Variants in DYM observed in about 807,000 individuals in gnomAD.
DYM encodes the protein dymeclin, also known as dyggve-Melchior-Clausen syndrome protein.
In DYM, 78 loss-of-function variants were observed where a neutral mutation model predicts 93.1. The observed-to-expected ratio is 0.84, with a 90% confidence interval of 0.70 to 1.01. DYM has a LOEUF of 1.01. Among genes scored for constraint, DYM ranks in the 50% least tolerant of loss-of-function variants. The pLI is 0.00. For synonymous variants in DYM, 321 were observed against 319.7 expected (o/e 1.00, Z -0.04); for missense variants, 789 against 845.0 (o/e 0.93, Z 0.82).
chr18:49,070,814 G>T lies in DYM; in HGVS notation c.2025+26588C>A, dbSNP rs115949753. 4.9e-3 allele frequency among the ~76,000 whole-genome samples: 745 copies of T among 152,312 alleles called. 7 individuals are homozygous for T. Among genetic ancestry groups the T allele is most frequent in the African/African-American group, 0.017 (714 of 41,552 alleles). ...CTTTGTAGGAAAAGGAATGTTAGCC[G>T]CTGGATGTTGGAGATATTTATTCAA... On this transcript the variant is annotated intron_variant, in intron 17 of 17. Coordinates refer to ENST00000675505, the MANE Select transcript of DYM (RefSeq NM_001353214.3).
chr18:49,113,315 G>A (rs1387879624), intron 16 of DYM, among the ~76,000 whole-genome samples: 1 of 152,162 alleles, frequency 6.6e-6, no homozygotes, highest in Non-Finnish European at 1.5e-5. Context: ...TAGGTAACCA[G>A]ACAATTTATT....
chr18:49,037,548 A>C lies in DYM; in HGVS notation c.*6507T>G, dbSNP rs2070750363. Among the ~76,000 whole-genome samples, 1 of 152,114 alleles carries C rather than the reference A, an allele frequency of 6.6e-6. No homozygotes were observed. Among genetic ancestry groups the C allele is most frequent in the South Asian group, 2.1e-4 (1 of 4,828 alleles). ...TCAGCATCATCAATATATTCTTGTA[A>C]CAAACCTGAACAGGTACTCTTTAAA... On this transcript the variant is annotated 3_prime_UTR_variant, in exon 18 of 18. Transcript: ENST00000675505.
chr18:49,439,140 G>A (rs2081103234), intron 1 of DYM, among the ~76,000 whole-genome samples: 1 of 152,136 alleles, frequency 6.6e-6, no homozygotes, highest in East Asian at 1.9e-4. Context: ...TGGCCAGGAA[G>A]CCAGTTCTGT....
At chr18:49,115,781 ATAT>A (rs927435050) in intron 16 of DYM, among the ~76,000 whole-genome samples, 2 of 152,240 alleles carry the variant, frequency 1.3e-5, no homozygotes, top group African/African-American at 4.8e-5. Context: ...TTCTTGGGTG[ATAT>A]TCTTAGACGA....
At chr18:49,152,379 T>C (rs2085916769) in intron 15 of DYM, among the ~76,000 whole-genome samples, 1 of 152,174 alleles carries the variant, frequency 6.6e-6, no homozygotes, top group African/African-American at 2.4e-5. Flanking sequence ...CAGAACATTT[T>C]TGGAACTCTC....
intron 8 of DYM, among the ~76,000 whole-genome samples, chr18:49,317,678 TTC>T: frequency 7.8e-6 from 1 of 128,222 alleles, no homozygotes; most frequent in African/African-American, 2.9e-5. Context: ...CCTTCCTTCC[TTC>T]CTTCCTTCCT....
At chr18:49,290,884 A>T (rs1162664386) in intron 8 of DYM, among the ~76,000 whole-genome samples, 1 of 152,120 alleles carries the variant, frequency 6.6e-6, no homozygotes, top group African/African-American at 2.4e-5. Flanking sequence ...ATTCAAGCAT[A>T]ATAAGCAATT....
chr18:49,410,146 G>A lies in DYM; in HGVS notation c.141-18501C>T, dbSNP rs542476419. Among the ~76,000 whole-genome samples the A allele has an allele frequency of 3.9e-5, 6 of 152,124 alleles. No homozygotes were observed. The East Asian group carries it at 9.7e-4, about 25-fold the overall frequency. ...AGTGTCATGATCCCAGCTCACTGCCGCTTAGAACTCCTGGGCTCAAGCAAT... is the reference window on the plus strand; with the variant it reads ...AGTGTCATGATCCCAGCTCACTGCCACTTAGAACTCCTGGGCTCAAGCAAT... On this transcript the variant is annotated intron_variant, in intron 2 of 17. Coordinates refer to ENST00000675505, the MANE Select transcript of DYM (RefSeq NM_001353214.3).
intron 6 of DYM, among the ~76,000 whole-genome samples, chr18:49,335,376 A>AAG (rs2063582561): frequency 6.6e-6 from 1 of 152,196 alleles, no homozygotes; most frequent in African/African-American, 2.4e-5. Flanking sequence ...GAGGCACTAG[A>AAG]ACCCAGAAGG....
At chr18:49,263,354 C>T (rs185269681) in intron 11 of DYM, among the ~76,000 whole-genome samples, 115 of 151,446 alleles carry the variant, frequency 7.6e-4, no homozygotes, top group African/African-American at 2.5e-3. Context: ...CCTGACCTCA[C>T]GTGATCTGCC....
intron 8 of DYM, among the ~76,000 whole-genome samples, chr18:49,322,698 C>A (rs1312021221): frequency 6.6e-6 from 1 of 151,880 alleles, no homozygotes; most frequent in African/African-American, 2.4e-5. Context: ...CATTAAAAAT[C>A]TGAATAAACT....
At chr18:49,453,522 C>T (rs761842112) in intron 1 of DYM, among the ~76,000 whole-genome samples, 5 of 152,054 alleles carry the variant, frequency 3.3e-5, no homozygotes, top group Non-Finnish European at 7.4e-5. Context: ...CGAACACATC[C>T]GAAAATCAGA....
chr18:49,141,410 T>C (rs1399654773), intron 15 of DYM, among the ~76,000 whole-genome samples: 2 of 152,192 alleles, frequency 1.3e-5, no homozygotes, highest in African/African-American at 4.8e-5. Context: ...AATGGGCTCA[T>C]CAGGCCTTGA....
chr18:49,203,112 C>CG (rs2092211598), intron 14 of DYM, among the ~76,000 whole-genome samples: 2 of 29,646 alleles, frequency 6.7e-5, no homozygotes, highest in Non-Finnish European at 1.4e-4. Flanking sequence ...CGCCTCTGCC[C>CG]GGCTGCCCCT....
intron 17 of DYM, among the ~76,000 whole-genome samples, chr18:49,073,264 A>G (rs570506583): frequency 4.6e-5 from 7 of 152,372 alleles, no homozygotes; most frequent in Admixed American, 6.5e-5. Context: ...TCATAACTCT[A>G]TATGTGCTAT....
At chr18:49,192,726 C>T (rs1429938571) in intron 14 of DYM, among the ~76,000 whole-genome samples, 1 of 150,506 alleles carries the variant, frequency 6.6e-6, no homozygotes, top group Non-Finnish European at 1.5e-5. Flanking sequence ...CAGCTTTGTT[C>T]TTTTTTGCTT....
chr18:49,154,383 A>G (rs1440749632), intron 15 of DYM, among the ~76,000 whole-genome samples: 3 of 152,094 alleles, frequency 2.0e-5, no homozygotes, highest in Non-Finnish European at 4.4e-5. Context: ...TGGGTGAAGT[A>G]TATATGAAAA....
At chr18:49,117,730 C>T (rs2082028396) in intron 16 of DYM, among the ~76,000 whole-genome samples, 1 of 152,170 alleles carries the variant, frequency 6.6e-6, no homozygotes, top group South Asian at 2.1e-4. Context: ...CTACCTGCCA[C>T]ACCCACTGTG....
In DYM at chr18:49,131,627, T is replaced by C. The variant is rs531015182; in HGVS notation, c.1729-12701A>G. Among the ~76,000 whole-genome samples the C allele has an allele frequency of 5.9e-5, 9 of 152,306 alleles. No homozygotes were observed. The South Asian group carries it at 1.5e-3, about 25-fold the overall frequency. On this transcript the variant is annotated intron_variant, in intron 15 of 17. Coordinates refer to ENST00000675505, the MANE Select transcript of DYM (RefSeq NM_001353214.3). ...GGTCCTGTCTCCAAACACAGTCTTA[T>C]TGGGGGTTAGGGCTTCAACATATTA...
Sources: allele counts gnomAD v4.1 joint callset (sites outside exome capture counted in the v4.1 genomes callset), GRCh38; gene constraint gnomAD v4.1.1; transcripts MANE v1.5; gene names NCBI Gene and HGNC (gene_info 2026-07-23, HGNC 2026-07-21).